ROR2: variants seen among roughly 807,000 people sequenced by gnomAD.
The protein encoded by ROR2 is tyrosine-protein kinase transmembrane receptor ROR2.
Under a neutral mutation model 74.9 loss-of-function variants are expected in ROR2, and 33 were observed. The observed-to-expected ratio is 0.44, with a 90% CI of 0.33 to 0.59. The LOEUF (loss-of-function observed/expected upper bound fraction) is 0.59, where lower values mean the gene tolerates loss of function less well. Ranked by LOEUF, ROR2 falls within the 20% of genes least tolerant of loss-of-function variation. The probability of loss-of-function intolerance (pLI) is 0.02; values close to 1 mark genes in which losing one functional copy is unlikely to be tolerated. For missense variants in ROR2, 1,216 were observed against 1,313.8 expected, an observed-to-expected ratio of 0.93 and a Z score of 1.15; for synonymous variants, 586 against 558.7, an observed-to-expected ratio of 1.05 and a Z score of -0.69.
At chr9:91,850,539 G>C (rs1829058061) in intron 1 of ROR2, among the ~76,000 whole-genome samples, 1 of 152,184 alleles carries the variant, frequency 6.6e-6, no homozygotes, top group African/African-American at 2.4e-5. Context: ...GATGGACAAG[G>C]GGCCATGAAC....
At chr9:91,924,111 C>T (rs1254033204) in intron 1 of ROR2, among the ~76,000 whole-genome samples, 1 of 152,234 alleles carries the variant, frequency 6.6e-6, no homozygotes, top group Admixed American at 6.5e-5. Context: ...TGTTCTGCTG[C>T]CTGTCTGCAC....
intron 1 of ROR2, among the ~76,000 whole-genome samples, chr9:91,794,214 G>A (rs1587724739): frequency 6.6e-6 from 1 of 152,220 alleles, no homozygotes; most frequent in African/African-American, 2.4e-5. Flanking sequence ...AATAAGGACA[G>A]CAATATTCAC....
intron 1 of ROR2, among the ~76,000 whole-genome samples, chr9:91,831,613 T>A (rs1487014895): frequency 3.3e-5 from 5 of 152,020 alleles, no homozygotes; most frequent in Non-Finnish European, 5.9e-5. Flanking sequence ...CTATCTCTAC[T>A]AAAAATACAA....
intron 4 of ROR2, among the ~76,000 whole-genome samples, chr9:91,742,587 A>C (rs1302696201): frequency 6.6e-6 from 1 of 152,248 alleles, no homozygotes; most frequent in Admixed American, 6.5e-5. Flanking sequence ...TTTTTGGTTA[A>C]CAGCAGACCA....
At chr9:91,745,080 T>C (rs2118777551) in intron 4 of ROR2, among the ~76,000 whole-genome samples, 1 of 152,198 alleles carries the variant, frequency 6.6e-6, no homozygotes, top group East Asian at 1.9e-4. Flanking sequence ...GAAATGCAAA[T>C]ATCCTGTGTC....
intron 1 of ROR2, among the ~76,000 whole-genome samples, chr9:91,816,958 A>C (rs1731326830): frequency 6.6e-6 from 1 of 152,212 alleles, no homozygotes; most frequent in South Asian, 2.1e-4. Context: ...AATGTGACAA[A>C]GCATTTGAAG....
chr9:91,777,081 T>C (rs1455816809), intron 1 of ROR2, among the ~76,000 whole-genome samples: 1 of 152,240 alleles, frequency 6.6e-6, no homozygotes, highest in Non-Finnish European at 1.5e-5. Context: ...ACTGACACTT[T>C]AAGTTTCAAC....
intron 1 of ROR2, among the ~76,000 whole-genome samples, chr9:91,859,458 G>A (rs1038884649): frequency 5.3e-5 from 8 of 152,062 alleles, no homozygotes; most frequent in Admixed American, 1.3e-4. Flanking sequence ...ATCTGAAGGC[G>A]GCAAGGGTAT....
At chr9:91,767,509 T>A (rs1826096131) in intron 2 of ROR2, among the ~76,000 whole-genome samples, 1 of 152,204 alleles carries the variant, frequency 6.6e-6, no homozygotes, top group African/African-American at 2.4e-5. Context: ...ATATTAGAGA[T>A]CATGAGGTCA....
At chr9:91,908,011 T>C (rs1830862736) in intron 1 of ROR2, among the ~76,000 whole-genome samples, 2 of 152,196 alleles carry the variant, frequency 1.3e-5, no homozygotes, top group Admixed American at 1.3e-4. Flanking sequence ...TGACACTAAT[T>C]GTTGTGGGAA....
chr9:91,731,380 C>T (rs1040466869), intron 6 of ROR2, among the ~76,000 whole-genome samples: 5 of 152,146 alleles, frequency 3.3e-5, no homozygotes, highest in African/African-American at 1.2e-4. Flanking sequence ...TATTCCACAG[C>T]CCCAGAACCA....
At chr9:91,899,345 C>T (rs538410667) in intron 1 of ROR2, among the ~76,000 whole-genome samples, 2 of 152,310 alleles carry the variant, frequency 1.3e-5, no homozygotes, top group African/African-American at 4.8e-5. Flanking sequence ...GCAGACAGAG[C>T]AGGACCCAGC....
At chr9:91,938,504 C>T (rs1831761265) in intron 1 of ROR2, among the ~76,000 whole-genome samples, 1 of 151,994 alleles carries the variant, frequency 6.6e-6, no homozygotes, top group South Asian at 2.1e-4. Flanking sequence ...CACCTGTAAT[C>T]TTAGCTATGT....
intron 1 of ROR2, among the ~76,000 whole-genome samples, chr9:91,839,592 CTTTGAG>C (rs1587770624): frequency 6.6e-6 from 1 of 150,706 alleles, no homozygotes; most frequent in African/African-American, 2.4e-5. Flanking sequence ...TTGTGTGTTT[CTTTGAG>C]TTTGTCTATG....
intron 1 of ROR2, among the ~76,000 whole-genome samples, chr9:91,777,317 C>A (rs1826452650): frequency 6.6e-6 from 1 of 151,852 alleles, no homozygotes; most frequent in Non-Finnish European, 1.5e-5. Context: ...TTCTCCTAAC[C>A]CGTAAAAAGA....
intron 1 of ROR2, among the ~76,000 whole-genome samples, chr9:91,799,577 C>T (rs1827306618): frequency 6.6e-6 from 1 of 152,192 alleles, no homozygotes; most frequent in Non-Finnish European, 1.5e-5. Flanking sequence ...GGGGGCCATG[C>T]AGAGCCTGCC....
At chr9:91,819,055 T>TCTCTTCCC (rs1270517681) in intron 1 of ROR2, among the ~76,000 whole-genome samples, 1 of 152,120 alleles carries the variant, frequency 6.6e-6, no homozygotes, top group Non-Finnish European at 1.5e-5. Context: ...CGCCTCTTCC[T>TCTCTTCCC]CTCTTCCCAG....
intron 1 of ROR2, among the ~76,000 whole-genome samples, chr9:91,831,870 G>C (rs894549629): frequency 9.9e-5 from 15 of 152,202 alleles, no homozygotes; most frequent in African/African-American, 3.6e-4. Flanking sequence ...TGCCAGAGGA[G>C]ATGGTGCCAT....
At chr9:91,948,973 C>T in intron 1 of ROR2, 7 of 953,944 alleles carry the variant, frequency 7.3e-6, no homozygotes, top group Non-Finnish European at 8.7e-6. Context: ...AGCTGCACTT[C>T]CGAACCTCCC....
Sources: allele counts gnomAD v4.1 joint callset (sites outside exome capture counted in the v4.1 genomes callset), GRCh38; gene constraint gnomAD v4.1.1; transcripts MANE v1.5; gene names NCBI Gene and HGNC (gene_info 2026-07-23, HGNC 2026-07-21).